Variants in ERP44 observed in about 807,000 individuals in gnomAD.
ERP44 encodes endoplasmic reticulum resident protein 44.
Under a neutral mutation model 53.4 loss-of-function variants are expected in ERP44, and 25 were observed. The observed-to-expected ratio is 0.47, with a 90% CI of 0.34 to 0.65. The LOEUF (loss-of-function observed/expected upper bound fraction) is 0.65. ERP44 is among the 30% of genes least tolerant of loss of function. ERP44 has a pLI of 0.01. For synonymous variants in ERP44, 145 were observed against 161.2 expected (o/e 0.90, Z 0.76); for missense variants, 338 against 493.2 (o/e 0.69, Z 2.98).
chr9:100,064,962 G>C (rs1201527783), intron 1 of ERP44, among the ~76,000 whole-genome samples: 3 of 152,116 alleles, frequency 2.0e-5, no homozygotes, highest in Non-Finnish European at 4.4e-5. Context: ...CAGTTAAAAA[G>C]TTACAGTAAG....
At chr9:100,047,178 CTG>C (rs906292959) in intron 4 of ERP44, among the ~76,000 whole-genome samples, 4 of 152,084 alleles carry the variant, frequency 2.6e-5, no homozygotes, top group African/African-American at 9.7e-5. Flanking sequence ...CTTTGTGATC[CTG>C]TGTGAGGCAA....
intron 11 of ERP44, 70 bp downstream of exon 11, chr9:99,984,897 A>C: frequency 1.1e-6 from 1 of 895,910 alleles, no homozygotes. Flanking sequence ...CAAGAACTTC[A>C]GACCCTCTTT....
intron 10 of ERP44, among the ~76,000 whole-genome samples, chr9:99,988,187 C>G (rs1830215641): frequency 6.6e-6 from 1 of 152,172 alleles, no homozygotes; most frequent in Non-Finnish European, 1.5e-5. Flanking sequence ...ATGTTGAGCA[C>G]CCTTCACATG....
chr9:100,081,851 A>C (rs1031794123), intron 1 of ERP44, among the ~76,000 whole-genome samples: 5 of 152,174 alleles, frequency 3.3e-5, no homozygotes, highest in Admixed American at 2.0e-4. Flanking sequence ...AGGTATAAAA[A>C]TGAGAAAGGA....
intron 10 of ERP44, among the ~76,000 whole-genome samples, chr9:99,986,333 T>C (rs1239471516): frequency 1.3e-5 from 2 of 152,218 alleles, no homozygotes; most frequent in Non-Finnish European, 2.9e-5. Context: ...TTTACATTTC[T>C]TCACAAATTA....
At chr9:100,056,206 T>C (rs1427523277) in intron 3 of ERP44, among the ~76,000 whole-genome samples, 1 of 152,182 alleles carries the variant, frequency 6.6e-6, no homozygotes, top group African/African-American at 2.4e-5. Context: ...GGATCTCAGT[T>C]TTCTTATTTT....
chr9:100,089,901 A>G (rs1826531300), intron 1 of ERP44, among the ~76,000 whole-genome samples: 1 of 152,198 alleles, frequency 6.6e-6, no homozygotes, highest in Non-Finnish European at 1.5e-5. Flanking sequence ...ATCTTGGAAC[A>G]TTACCTCCTG....
intron 8 of ERP44, among the ~76,000 whole-genome samples, chr9:100,011,178 G>T (rs1179560065): frequency 1.3e-5 from 2 of 152,088 alleles, no homozygotes; most frequent in Non-Finnish European, 2.9e-5. Context: ...GTATGAATGT[G>T]CATTAAAAAG....
intron 10 of ERP44, among the ~76,000 whole-genome samples, chr9:100,000,836 C>G (rs1830368753): frequency 6.6e-6 from 1 of 151,824 alleles, no homozygotes; most frequent in Non-Finnish European, 1.5e-5. Context: ...TATTGTTTTT[C>G]TAATCTCAAT....
intron 4 of ERP44, among the ~76,000 whole-genome samples, chr9:100,023,507 C>T (rs566390534): frequency 2.0e-4 from 30 of 151,096 alleles, no homozygotes; most frequent in African/African-American, 6.6e-4. Context: ...CAGCTCACCA[C>T]GGCCTTAACT....
intron 8 of ERP44, among the ~76,000 whole-genome samples, chr9:100,011,019 T>C (rs1830471112): frequency 6.6e-6 from 1 of 151,898 alleles, no homozygotes; most frequent in Non-Finnish European, 1.5e-5. Flanking sequence ...AAGATCAAAA[T>C]GGAAAAGACT....
chr9:100,091,377 G>A (rs1587987550), intron 1 of ERP44, among the ~76,000 whole-genome samples: 2 of 152,110 alleles, frequency 1.3e-5, no homozygotes, highest in East Asian at 3.9e-4. Context: ...CCTCTTGAAT[G>A]GACTAATCTG....
At chr9:100,066,380 C>T (rs1322852527) in intron 1 of ERP44, among the ~76,000 whole-genome samples, 1 of 152,178 alleles carries the variant, frequency 6.6e-6, no homozygotes, top group Non-Finnish European at 1.5e-5. Context: ...ACAGATATTT[C>T]TGCATGAAAT....
rs1228820213 is a variant in ERP44 at position 99,979,386 on chromosome 9, G to T, written c.*3226C>A. ...TTCTATAAATTTAAGCTTATTGTGA[G>T]CTTGAACATTTCAAACACTTCTATA... On this transcript the variant is annotated 3_prime_UTR_variant, in exon 12 of 12. Coordinates refer to ENST00000262455, the MANE Select transcript of ERP44 (RefSeq NM_015051.3). 1 of 150,156 alleles carries T rather than the reference G, an allele frequency of 6.7e-6. No individual in the cohort carries two copies. The highest frequency in any genetic ancestry group is 1.5e-5 in the Non-Finnish European group (1 of 67,796). 9.3% of individuals were successfully genotyped at this position (150,156 alleles called of 1,614,324 possible). A position where few individuals can be genotyped will look rare whatever the true frequency, so the allele number is the denominator to read the frequency against.
chr9:100,082,480 A>G (rs530812523), intron 1 of ERP44, among the ~76,000 whole-genome samples: 4 of 152,176 alleles, frequency 2.6e-5, no homozygotes, highest in Non-Finnish European at 5.9e-5. Context: ...CAAGTCAGAG[A>G]GAAAAGACAG....
intron 6 of ERP44, among the ~76,000 whole-genome samples, chr9:100,019,176 A>G (rs1464265025): frequency 1.3e-5 from 2 of 152,216 alleles, no homozygotes; most frequent in Admixed American, 1.3e-4. Flanking sequence ...TCAGGCAAGG[A>G]CTTTCTGATG....
At chr9:100,074,456 A>G (rs1021671932) in intron 1 of ERP44, among the ~76,000 whole-genome samples, 3 of 152,218 alleles carry the variant, frequency 2.0e-5, no homozygotes, top group African/African-American at 7.2e-5. Flanking sequence ...TACTTAATTT[A>G]TATAAGGAAA....
At chr9:100,053,868 C>T (rs548876035) in intron 3 of ERP44, among the ~76,000 whole-genome samples, 1 of 152,242 alleles carries the variant, frequency 6.6e-6, no homozygotes, top group South Asian at 2.1e-4. Context: ...AGCCCTTTTC[C>T]ACCAAATTTA....
At chr9:100,005,107 A>G (rs887408659) in intron 10 of ERP44, among the ~76,000 whole-genome samples, 5 of 152,204 alleles carry the variant, frequency 3.3e-5, no homozygotes, top group African/African-American at 9.7e-5. Flanking sequence ...CTCATCCCTC[A>G]GCATTCACCT....
Sources: allele counts gnomAD v4.1 joint callset (sites outside exome capture counted in the v4.1 genomes callset), GRCh38; gene constraint gnomAD v4.1.1; transcripts MANE v1.5; gene names NCBI Gene and HGNC (gene_info 2026-07-23, HGNC 2026-07-21).